Variants in ABCB11 observed in about 807,000 individuals in gnomAD.
ABCB11 encodes the protein ATP binding cassette subfamily B member 11.
In ABCB11, 95 loss-of-function variants were observed where a neutral mutation model predicts 148.0. The ratio of observed to expected loss-of-function variants is 0.64; its 90% CI spans 0.54 to 0.76. The LOEUF (loss-of-function observed/expected upper bound fraction) is 0.76. Ranked by LOEUF, ABCB11 falls within the 30% of genes least tolerant of loss-of-function variation. The pLI, the probability that ABCB11 is intolerant of heterozygous loss-of-function variation, is 0.00. For missense variants in ABCB11, 1,523 were observed against 1,617.8 expected (o/e 0.94, Z 1.01); for synonymous variants, 591 against 555.4 (o/e 1.06, Z -0.90).
chr2:169,014,770 T>C (rs914865678), intron 3 of ABCB11, among the ~76,000 whole-genome samples: 3 of 152,202 alleles, frequency 2.0e-5, no homozygotes, highest in Non-Finnish European at 4.4e-5. Context: ...TACAACTACA[T>C]TAAATAATGT....
At chr2:169,005,326 G>T (rs905266873) in intron 5 of ABCB11, among the ~76,000 whole-genome samples, 1 of 152,078 alleles carries the variant, frequency 6.6e-6, no homozygotes, top group Non-Finnish European at 1.5e-5. Flanking sequence ...TAGGGGCAGG[G>T]ATAGGCGCCT....
intron 11 of ABCB11, 113 bp downstream of exon 11, chr2:168,979,753 T>C: frequency 2.0e-6 from 1 of 503,390 alleles, no homozygotes; most frequent in South Asian, 2.7e-5. Flanking sequence ...ATTAAGGGCC[T>C]TGCGATAGCT....
intron 1 of ABCB11, among the ~76,000 whole-genome samples, chr2:169,024,085 C>T (rs1288585868): frequency 6.6e-6 from 1 of 152,108 alleles, no homozygotes; most frequent in African/African-American, 2.4e-5. Context: ...ATAGCTAACG[C>T]ATGCCGGGCT....
chr2:169,000,793 T>A (rs1387037289), intron 5 of ABCB11, among the ~76,000 whole-genome samples: 4 of 152,182 alleles, frequency 2.6e-5, no homozygotes, highest in Non-Finnish European at 5.9e-5. Flanking sequence ...TAGGGTAATC[T>A]TTTCTATATC....
intron 26 of ABCB11, 36 bp downstream of exon 26, chr2:168,927,120 G>A (rs745899879): frequency 1.2e-5 from 18 of 1,544,448 alleles, no homozygotes; most frequent in Non-Finnish European, 1.3e-5. Context: ...CCCCATCCTT[G>A]TCTCTCATAG....
intron 21 of ABCB11, among the ~76,000 whole-genome samples, chr2:168,938,793 T>C (rs2105902876): frequency 6.6e-6 from 1 of 152,208 alleles, no homozygotes; most frequent in Non-Finnish European, 1.5e-5. Context: ...TGGGATGTCG[T>C]TATTTTGTTT....
chr2:168,989,695 G>A (rs1694446661), intron 9 of ABCB11, among the ~76,000 whole-genome samples: 1 of 152,010 alleles, frequency 6.6e-6, no homozygotes, highest in South Asian at 2.1e-4. Context: ...CCTGATCTTA[G>A]GGGGAAAAGC....
chr2:168,964,215 T>C lies in ABCB11; in HGVS notation c.2169A>G (p.Glu723=). 6.4e-7 allele frequency: 1 copy of C among 1,555,572 alleles called. No homozygotes were observed. Among genetic ancestry groups the C allele is most frequent in the Non-Finnish European group, 8.7e-7 (1 of 1,147,844 alleles). ...GCAGTTGGTGCCTGACCTTTCTATC[T>C]TCTTCATAGGTAGACTTATGATCTA... ...AVVDHKSTYE[E]DRKDKDIPVQ... Residue 723 remains glutamate (E), a synonymous_variant, in exon 18 of 28, where the codon GAA becomes GAG. Coordinates refer to ENST00000650372, the MANE Select transcript of ABCB11 (RefSeq NM_003742.4).
chr2:169,025,296 G>A (rs1208578241), intron 1 of ABCB11, among the ~76,000 whole-genome samples: 5 of 152,098 alleles, frequency 3.3e-5, no homozygotes, highest in South Asian at 2.1e-4. Context: ...TTCACTCTAC[G>A]TAGTTGGATT....
intron 7 of ABCB11, among the ~76,000 whole-genome samples, chr2:168,994,353 G>T (rs1361162611): frequency 6.6e-6 from 1 of 152,106 alleles, no homozygotes; most frequent in East Asian, 1.9e-4. Context: ...ATTTGTATGT[G>T]TGTGGAATTA....
chr2:168,918,199 T>C (rs189109645), downstream of ABCB11, among the ~76,000 whole-genome samples: 104 of 152,304 alleles, frequency 6.8e-4, no homozygotes, highest in Non-Finnish European at 1.2e-3. Context: ...ATAAACTACC[T>C]GTGTGACTTT....
Position 168,983,660 on chromosome 2 carries a change from T to C in ABCB11, c.1083+2450A>G, listed in dbSNP as rs1573938670. ...GTCCGTGGTTTGGAATGATTATGGTTTGACCTCTGATAATCACTTCCATTT... is the reference window on the plus strand; with the variant it reads ...GTCCGTGGTTTGGAATGATTATGGTCTGACCTCTGATAATCACTTCCATTT... On this transcript the variant is annotated intron_variant, in intron 10 of 27. Transcript: ENST00000650372. Among the ~76,000 whole-genome samples the C allele has an allele frequency of 3.3e-5, 5 of 152,292 alleles. 1 individual carries two copies. In the South Asian group the frequency reaches 1.0e-3, roughly 32 times the overall value.
intron 5 of ABCB11, among the ~76,000 whole-genome samples, chr2:169,011,976 C>T (rs1382579187): frequency 6.6e-6 from 1 of 152,062 alleles, no homozygotes; most frequent in African/African-American, 2.4e-5. Context: ...GGACCATGCT[C>T]TTAAGACAAC....
rs1326498523 is a variant in ABCB11, at chr2:168,964,238, C to G, written c.2146G>C (p.Asp716His). The part of the protein sequence containing the change: ...LVHEPPLAVV[D>H]HKSTYEEDRK... Reference sequence around the variant, plus strand: ...TCTTCTTCATAGGTAGACTTATGATCTACAACAGCTAATGGAGGTTCGTGC... The same window carrying G: ...TCTTCTTCATAGGTAGACTTATGATGTACAACAGCTAATGGAGGTTCGTGC... The change falls in exon 18 of 28, where the codon GAT (aspartate) becomes CAT (histidine). Residue 716 changes from aspartate to histidine, a missense_variant. Physicochemically the swap from Asp to His is moderately conservative, Grantham distance 81. Transcript: ENST00000650372. 5 of 1,565,848 alleles carry G rather than the reference C, an allele frequency of 3.2e-6. No individual in the cohort carries two copies. Among genetic ancestry groups the G allele is most frequent in the Non-Finnish European group, 4.3e-6 (5 of 1,153,404 alleles).
chr2:168,942,108 G>A (rs1216860309), intron 21 of ABCB11, among the ~76,000 whole-genome samples: 2 of 151,718 alleles, frequency 1.3e-5, no homozygotes, highest in African/African-American at 2.4e-5. Flanking sequence ...CTTAAGATAA[G>A]TATACAAAAA....
chr2:168,952,260 T>C (rs1469644990), intron 19 of ABCB11, among the ~76,000 whole-genome samples: 1 of 151,672 alleles, frequency 6.6e-6, no homozygotes, highest in Non-Finnish European at 1.5e-5. Context: ...TTAGGGAGAA[T>C]TCCCTCCTCT....
At chr2:168,928,222 G>A (rs187366743) in intron 25 of ABCB11, among the ~76,000 whole-genome samples, 11 of 152,208 alleles carry the variant, frequency 7.2e-5, no homozygotes, top group Admixed American at 6.5e-4. Context: ...GGCTTATCTT[G>A]CTCTACTCAT....
chr2:168,939,882 T>C (rs1020723737), intron 21 of ABCB11, among the ~76,000 whole-genome samples: 1 of 152,110 alleles, frequency 6.6e-6, no homozygotes, highest in Non-Finnish European at 1.5e-5. Flanking sequence ...TTTTCATTAT[T>C]ATATCTGTTA....
At chr2:168,940,311 G>A (rs1692003917) in intron 21 of ABCB11, among the ~76,000 whole-genome samples, 2 of 152,032 alleles carry the variant, frequency 1.3e-5, no homozygotes, top group Admixed American at 6.6e-5. Context: ...GTTCTTGAAG[G>A]AAATTAAAAG....
Sources: allele counts gnomAD v4.1 joint callset (sites outside exome capture counted in the v4.1 genomes callset), GRCh38; gene constraint gnomAD v4.1.1; transcripts MANE v1.5; gene names NCBI Gene and HGNC (gene_info 2026-07-23, HGNC 2026-07-21).